PI4K2A: variants seen among roughly 807,000 people sequenced by gnomAD.
PI4K2A encodes phosphatidylinositol 4-kinase type 2 alpha, also known as phosphatidylinositol 4-kinase type 2-alpha.
Under a neutral mutation model 55.0 loss-of-function variants are expected in PI4K2A, and 20 were observed. That is an observed-to-expected ratio of 0.36 (90% CI 0.26 to 0.53). The LOEUF is 0.53. Among genes scored for constraint, PI4K2A ranks in the 20% least tolerant of loss-of-function variants. The probability of loss-of-function intolerance (pLI) is 0.91; values close to 1 mark genes in which losing one functional copy is unlikely to be tolerated. For synonymous variants in PI4K2A, 235 were observed against 258.5 expected (o/e 0.91, Z 0.87); for missense variants, 463 against 637.1 (o/e 0.73, Z 2.94).
intron 1 of PI4K2A, among the ~76,000 whole-genome samples, chr10:97,642,667 G>A (rs914796713): frequency 1.3e-5 from 2 of 151,974 alleles, no homozygotes; most frequent in Non-Finnish European, 2.9e-5. Context: ...GGGATTACAG[G>A]CGTGCCACCG....
exon 9 of PI4K2A, chr10:97,673,858 T>C (rs2041648160): frequency 1.1e-6 from 1 of 892,580 alleles, no homozygotes; most frequent in South Asian, 1.6e-5. Context: ...GAGCCCTCTC[T>C]CTCTGCTTGC....
rs2041527047 is a variant in PI4K2A, at chr10:97,650,812, T to A, written c.436-129T>A. 3.0e-5 allele frequency: 20 copies of A among 676,252 alleles called. 1 individual carries two copies. The South Asian group carries it at 3.8e-4, about 13-fold the overall frequency. The allele number at this position is 676,252 out of a possible 1,614,324, so 41.9% of individuals were successfully genotyped here. On this transcript the variant is annotated intron_variant, in intron 1 of 8. Coordinates refer to ENST00000370631, the Ensembl canonical transcript of PI4K2A. ...TTCCCCTTACCAACTGGGAGAAACC[T>A]GAGTCCAACTGTAAGTAGGAATTGT... is the stretch of plus-strand genomic sequence containing the variant.
intron 1 of PI4K2A, among the ~76,000 whole-genome samples, chr10:97,642,930 T>C (rs1017768849): frequency 3.5e-4 from 49 of 140,892 alleles, no homozygotes; most frequent in African/African-American, 1.0e-3. Flanking sequence ...CCTTCCTTTC[T>C]TTCCTTTCTT....
intron 1 of PI4K2A, among the ~76,000 whole-genome samples, chr10:97,642,109 A>C (rs2041472749): frequency 6.6e-6 from 1 of 152,166 alleles, no homozygotes; most frequent in Non-Finnish European, 1.5e-5. Flanking sequence ...TGTTATTTAA[A>C]TTATGGGTGT....
intron 6 of PI4K2A, 54 bp downstream of exon 6, chr10:97,665,038 C>T (rs1387632784): frequency 4.6e-6 from 5 of 1,083,786 alleles, no homozygotes; most frequent in Middle Eastern, 2.0e-4. Flanking sequence ...TATATTTTCT[C>T]ACTGTGCAGT....
intron 1 of PI4K2A, among the ~76,000 whole-genome samples, chr10:97,642,885 C>CT (rs1188480954): frequency 1.1e-4 from 12 of 108,312 alleles, no homozygotes; most frequent in African/African-American, 1.5e-4. Flanking sequence ...TTCTTTCTTT[C>CT]TTCCTTCCTT....
chr10:97,647,336 C>G (rs1432840187), intron 1 of PI4K2A, among the ~76,000 whole-genome samples: 1 of 151,970 alleles, frequency 6.6e-6, no homozygotes, highest in African/African-American at 2.4e-5. Context: ...AAAAAAAACA[C>G]AAAATATTAA....
At position 97,656,716 on chromosome 10, in the gene PI4K2A, C is replaced by G; in HGVS notation, c.769-105C>G. ...AAAGATCTTGAAAAGTTTTCCTTCTCTGATACAAACTCCATAGGGCCTTAA... is the reference window on the plus strand; with the variant it reads ...AAAGATCTTGAAAAGTTTTCCTTCTGTGATACAAACTCCATAGGGCCTTAA... On this transcript the variant is annotated intron_variant, in intron 3 of 8. Transcript: ENST00000370631. This position sits in a 1 kb window ranked among gnomAD's most constrained non-coding sequence, Gnocchi z 4.5. 2.9e-6 allele frequency: 3 copies of G among 1,034,718 alleles called. No individual in the cohort carries two copies. The highest frequency in any genetic ancestry group is 1.5e-5 in the South Asian group (1 of 65,348). The allele number at this position is 1,034,718 out of a possible 1,614,324, so 64.1% of individuals were successfully genotyped here. A position where few individuals can be genotyped will look rare whatever the true frequency, so the allele number is the denominator to read the frequency against.
chr10:97,662,605 C>A (rs2041590864), intron 4 of PI4K2A, among the ~76,000 whole-genome samples: 1 of 152,174 alleles, frequency 6.6e-6, no homozygotes, highest in African/African-American at 2.4e-5. Flanking sequence ...AATTGTTCTA[C>A]CTCTCAAGCT....
At position 97,660,746 on chromosome 10, in the gene PI4K2A, T is replaced by C. The variant is rs144313744; in HGVS notation, c.923-2161T>C. ...CAGTTTATAGATGGAGACTGTATTTTCTAATTTCCATTGTTCATTTCTTCT... is the reference window on the plus strand; with the variant it reads ...CAGTTTATAGATGGAGACTGTATTTCCTAATTTCCATTGTTCATTTCTTCT... On this transcript the variant is annotated intron_variant, in intron 4 of 8. Coordinates refer to ENST00000370631, the Ensembl canonical transcript of PI4K2A. Among the ~76,000 whole-genome samples, 325 of 152,254 alleles carry C rather than the reference T, an allele frequency of 2.1e-3. 1 individual carries two copies. The highest frequency in any genetic ancestry group is 7.4e-3 in the African/African-American group (309 of 41,562).
chr10:97,645,757 C>T (rs2041502204), intron 1 of PI4K2A, among the ~76,000 whole-genome samples: 1 of 151,694 alleles, frequency 6.6e-6, no homozygotes, highest in African/African-American at 2.4e-5. Flanking sequence ...CTCACCCTGT[C>T]GCCCAGGCTG....
At position 97,642,409 on chromosome 10, in the gene PI4K2A, C is replaced by CT. The variant is rs200764187; in HGVS notation, c.435+1242dup. ...GAAGTTTCTTTTTCTTTTTTTTTTT[C>CT]TTTTTTTTTTGAGACAGAGTCTTGC... On this transcript the variant is annotated intron_variant, in intron 1 of 8. Transcript: ENST00000370631. Among the ~76,000 whole-genome samples the CT allele has an allele frequency of 2.1e-3, 285 of 136,138 alleles. 3 individuals are homozygous for CT. In the East Asian group the frequency reaches 0.04, roughly 19 times the overall value. 89.3% of individuals were successfully genotyped at this position (136,138 alleles called of 152,430 possible).
At chr10:97,675,302 C>CG (rs2041657663) in exon 9 of PI4K2A, 1 of 152,422 alleles carries the variant, frequency 6.6e-6, no homozygotes, top group African/African-American at 2.4e-5. Flanking sequence ...GGCTGGTCCC[C>CG]GCCGGTCCCC....
intron 1 of PI4K2A, among the ~76,000 whole-genome samples, chr10:97,647,053 T>A (rs2041508502): frequency 6.6e-6 from 1 of 151,986 alleles, no homozygotes; most frequent in Non-Finnish European, 1.5e-5. Context: ...AGTGCTGGGA[T>A]TATAAGTGTG....
intron 1 of PI4K2A, among the ~76,000 whole-genome samples, chr10:97,650,278 C>CTTTTTTTTTTTTTTTTTTTTTT (rs71007356): frequency 9.2e-6 from 1 of 108,114 alleles, no homozygotes; most frequent in Non-Finnish European, 1.8e-5. Flanking sequence ...GCTTCTGTAC[C>CTTTTTTTTTTTTTTTTTTTTTT]TTTTTTTTTT....
chr10:97,672,632 T>G (rs1186938603), intron 8 of PI4K2A, among the ~76,000 whole-genome samples: 1 of 151,626 alleles, frequency 6.6e-6, no homozygotes, highest in Non-Finnish European at 1.5e-5. Context: ...TTCACTGTTA[T>G]AAACAATATT....
At chr10:97,663,875 C>T (rs2041598184) in intron 5 of PI4K2A, among the ~76,000 whole-genome samples, 1 of 150,144 alleles carries the variant, frequency 6.7e-6, no homozygotes, top group African/African-American at 2.4e-5. Context: ...GTTGCGCAGG[C>T]TGGAGTACAG....
At chr10:97,667,217 C>CTTT in intron 8 of PI4K2A, 97 bp downstream of exon 8, 2 of 815,798 alleles carry the variant, frequency 2.5e-6, no homozygotes, top group Non-Finnish European at 3.9e-6. Flanking sequence ...TATACCCCCC[C>CTTT]CTTTTTTTTT....
chr10:97,642,233 T>C (rs1390036503), intron 1 of PI4K2A, among the ~76,000 whole-genome samples: 1 of 152,162 alleles, frequency 6.6e-6, no homozygotes, highest in African/African-American at 2.4e-5. Context: ...CTTGTAGCTC[T>C]TGGTTCGGCT....
Sources: gnomAD v4.1 joint callset for allele counts (sites outside exome capture counted in the v4.1 genomes callset) on GRCh38, gnomAD v4.1.1 for gene constraint, Gnocchi (gnomAD v3.1) non-coding constraint, MANE v1.5 for transcripts, NCBI Gene and HGNC (gene_info 2026-07-23, HGNC 2026-07-21) for gene names.